NREP: variants seen among roughly 807,000 people sequenced by gnomAD.
NREP encodes neuronal regeneration-related protein.
Under a neutral mutation model 8.6 loss-of-function variants are expected in NREP, and 5 were observed. That is an observed-to-expected ratio of 0.58 (90% CI 0.30 to 1.22). The LOEUF is 1.22. Ranked by LOEUF, NREP falls within the 50% of genes most tolerant of loss-of-function variation. The probability of loss-of-function intolerance (pLI) is 0.07; values close to 1 mark genes in which losing one functional copy is unlikely to be tolerated. For synonymous variants in NREP, 27 were observed against 28.0 expected (o/e 0.96, Z 0.11); for missense variants, 86 against 82.5 (o/e 1.04, Z -0.17).
At chr5:111,899,703 T>G (rs1424928779) in intron 2 of NREP, among the ~76,000 whole-genome samples, 1 of 152,152 alleles carries the variant, frequency 6.6e-6, no homozygotes, top group Non-Finnish European at 1.5e-5. Context: ...GAAACTCACT[T>G]TAACTCTAAA....
chr5:111,747,442 C>G (rs533752795), intron 2 of NREP, among the ~76,000 whole-genome samples: 4 of 152,252 alleles, frequency 2.6e-5, no homozygotes, highest in African/African-American at 9.6e-5. Context: ...CTCAATTCAG[C>G]AGGAAGGCTG....
chr5:111,824,753 C>T (rs903277170), intron 2 of NREP, among the ~76,000 whole-genome samples: 10 of 152,040 alleles, frequency 6.6e-5, no homozygotes, highest in African/African-American at 1.4e-4. Context: ...GAATTCCATA[C>T]GTATTTTTGT....
At chr5:111,938,985 G>C (rs182672740) in intron 2 of NREP, among the ~76,000 whole-genome samples, 4 of 152,094 alleles carry the variant, frequency 2.6e-5, no homozygotes, top group East Asian at 1.9e-4. Context: ...TCAGTCCATC[G>C]ATTACTGGAG....
In NREP at chr5:111,796,065, T is replaced by C. The variant is rs77550460; in HGVS notation, c.136-60558A>G. ...GGTCAGAAGTCTGAAATGGTTTTTA[T>C]TGGGCTAAAACCAAGCTGTCAGCAG... On this transcript the variant is annotated intron_variant, in intron 2 of 3. Coordinates refer to the NREP transcript ENST00000395634. Among the ~76,000 whole-genome samples the C allele has an allele frequency of 4.4e-3, 677 of 152,314 alleles. 2 individuals are homozygous for C. The highest frequency in any genetic ancestry group is 0.015 in the African/African-American group (626 of 41,568).
At chr5:111,739,647 A>C (rs2112808268) in intron 2 of NREP, 1 of 152,264 alleles carries the variant, frequency 6.6e-6, no homozygotes, top group Non-Finnish European at 1.5e-5. Context: ...CTGATACTGC[A>C]TTCCATTCAT....
intron 2 of NREP, among the ~76,000 whole-genome samples, chr5:111,834,793 T>C (rs1015891419): frequency 6.6e-6 from 1 of 152,216 alleles, no homozygotes; most frequent in Admixed American, 6.5e-5. Flanking sequence ...TTTTGGTAGA[T>C]AATTTTTCCC....
At chr5:111,731,374 C>A (rs1748546526) in intron 3 of NREP, among the ~76,000 whole-genome samples, 1 of 150,248 alleles carries the variant, frequency 6.7e-6, no homozygotes, top group Non-Finnish European at 1.5e-5. Context: ...TCAGATAGGG[C>A]CCAACCTTAG....
chr5:111,920,952 C>G (rs1272823987), intron 2 of NREP, among the ~76,000 whole-genome samples: 1 of 152,100 alleles, frequency 6.6e-6, no homozygotes, highest in Non-Finnish European at 1.5e-5. Context: ...ACACAGGAGG[C>G]CCCTTTCTGT....
chr5:111,937,764 C>T (rs558626327), intron 2 of NREP, among the ~76,000 whole-genome samples: 4 of 152,092 alleles, frequency 2.6e-5, no homozygotes, highest in African/African-American at 9.6e-5. Flanking sequence ...CAGATCCTTC[C>T]CTCTTCCTGT....
At chr5:111,926,537 A>G (rs1755390754) in intron 2 of NREP, among the ~76,000 whole-genome samples, 1 of 151,904 alleles carries the variant, frequency 6.6e-6, no homozygotes, top group South Asian at 2.1e-4. Context: ...TAAAATCAAG[A>G]CTTCCCTTAG....
intron 2 of NREP, among the ~76,000 whole-genome samples, chr5:111,795,097 C>G (rs1031651464): frequency 4.6e-5 from 7 of 151,816 alleles, no homozygotes; most frequent in Non-Finnish European, 1.0e-4. Flanking sequence ...ATTCAAGTAG[C>G]ATTATAATGA....
intron 2 of NREP, among the ~76,000 whole-genome samples, chr5:111,959,276 T>C (rs971009947): frequency 1.2e-4 from 18 of 151,996 alleles, no homozygotes; most frequent in Admixed American, 9.8e-4. Flanking sequence ...AATTAGTCTA[T>C]GGTGATTGAA....
chr5:111,802,480 G>T (rs1288593087), intron 2 of NREP, among the ~76,000 whole-genome samples: 1 of 152,136 alleles, frequency 6.6e-6, no homozygotes, highest in Admixed American at 6.5e-5. Flanking sequence ...CTGTTGAAAT[G>T]AAAGATGGGA....
chr5:111,952,508 G>A (rs778941595), intron 2 of NREP, among the ~76,000 whole-genome samples: 8 of 152,150 alleles, frequency 5.3e-5, no homozygotes, highest in Admixed American at 5.2e-4. Context: ...GGTAAGAGCA[G>A]TCCTCTTCCT....
chr5:111,954,314 A>G (rs1561366145), intron 2 of NREP, among the ~76,000 whole-genome samples: 1 of 152,128 alleles, frequency 6.6e-6, no homozygotes, highest in African/African-American at 2.4e-5. Flanking sequence ...TCTTTGGGTT[A>G]GAAAAAAAAG....
intron 2 of NREP, among the ~76,000 whole-genome samples, chr5:111,751,184 C>G (rs1436410405): frequency 2.0e-5 from 3 of 152,102 alleles, no homozygotes; most frequent in Non-Finnish European, 4.4e-5. Flanking sequence ...TTTATAAAAC[C>G]TTCTGGGGCC....
chr5:111,907,318 T>C (rs1754802422), intron 2 of NREP, among the ~76,000 whole-genome samples: 1 of 151,930 alleles, frequency 6.6e-6, no homozygotes. Context: ...TATAGTTTAA[T>C]ATTTTACTTT....
intron 2 of NREP, among the ~76,000 whole-genome samples, chr5:111,844,577 T>A (rs1753111834): frequency 6.7e-6 from 1 of 149,866 alleles, no homozygotes. Flanking sequence ...TCCCTCTCAG[T>A]CTTCATTTAT....
intron 3 of NREP, chr5:111,732,624 T>C (rs1322092072): frequency 6.7e-6 from 1 of 149,476 alleles, no homozygotes; most frequent in Non-Finnish European, 1.5e-5. Flanking sequence ...TGAAAATAAT[T>C]TCAATCTTGG....
Sources: gnomAD v4.1 joint callset for allele counts (sites outside exome capture counted in the v4.1 genomes callset) on GRCh38, gnomAD v4.1.1 for gene constraint, MANE v1.5 for transcripts, NCBI Gene and HGNC (gene_info 2026-07-23, HGNC 2026-07-21) for gene names.